DACH2: variants seen among roughly 807,000 people sequenced by gnomAD.
DACH2 encodes dachshund homolog 2.
In DACH2, 17 loss-of-function variants were observed where a neutral mutation model predicts 35.8. The ratio of observed to expected loss-of-function variants is 0.48; its 90% CI spans 0.33 to 0.71. DACH2 has a LOEUF of 0.71. Ranked by LOEUF, DACH2 falls within the 30% of genes least tolerant of loss-of-function variation. The pLI, the probability that DACH2 is intolerant of heterozygous loss-of-function variation, is 0.02. For synonymous variants in DACH2, 195 were observed against 177.3 expected (o/e 1.10, Z -0.79); for missense variants, 469 against 472.7 (o/e 0.99, Z 0.07).
chrX:86,460,564 A>T (rs766858764), intron 2 of DACH2, among the ~76,000 whole-genome samples: 1 of 111,132 alleles, frequency 9.0e-6, no homozygotes, highest in African/African-American at 3.3e-5. Context: ...TTCGATTCTA[A>T]CATATATAGC....
In DACH2 at chrX:86,525,490, C is replaced by CA. The variant is rs200356593; in HGVS notation, c.640+11103dup. Among the ~76,000 whole-genome samples, 478 of 111,716 alleles carry CA rather than the reference C, an allele frequency of 4.3e-3. 13 individuals carry two copies. The East Asian group carries it at 0.083, about 19-fold the overall frequency. On this transcript the variant is annotated intron_variant, in intron 3 of 11. Coordinates refer to ENST00000373125, the MANE Select transcript of DACH2 (RefSeq NM_053281.3). ...ATAATTTTTCCTTCTAAGAAGTATG[C>CA]AAAATCTTCTGAATGACTGCAACCT...
rs995856078 is a variant in DACH2 at position 86,647,164 on chromosome X, T to C, written c.641-3872T>C. ...ATAGAACTATCATACCATCCAACGA[T>C]CCCACTTCTGAATATATATGAGGTA... On this transcript the variant is annotated intron_variant, in intron 3 of 11. Coordinates refer to ENST00000373125, the MANE Select transcript of DACH2 (RefSeq NM_053281.3). 2.7e-5 allele frequency among the ~76,000 whole-genome samples: 3 copies of C among 110,236 alleles called. No individual in the cohort carries two copies. In the East Asian group the frequency reaches 8.5e-4, roughly 31 times the overall value.
At chrX:86,323,530 A>G (rs1185468618) in intron 1 of DACH2, among the ~76,000 whole-genome samples, 6 of 111,622 alleles carry the variant, frequency 5.4e-5, no homozygotes, top group Non-Finnish European at 1.1e-4. Context: ...GCATACAGAG[A>G]GGGGATGGGA....
intron 4 of DACH2, among the ~76,000 whole-genome samples, chrX:86,677,052 C>A (rs890872050): frequency 4.5e-5 from 5 of 111,723 alleles, no homozygotes; most frequent in African/African-American, 1.3e-4. Flanking sequence ...GGAGATACTG[C>A]ACCTCAAAAT....
At chrX:86,455,788 A>T (rs2037464373) in intron 2 of DACH2, among the ~76,000 whole-genome samples, 1 of 112,395 alleles carries the variant, frequency 8.9e-6, no homozygotes, top group African/African-American at 3.2e-5. Context: ...CGTGCTGTGG[A>T]AGTGGGGCCC....
chrX:86,371,326 A>G (rs1385267549), intron 1 of DACH2, among the ~76,000 whole-genome samples: 1 of 110,888 alleles, frequency 9.0e-6, no homozygotes, highest in Non-Finnish European at 1.9e-5. Context: ...AATCTCACTG[A>G]TTTTTAAAAG....
chrX:86,331,067 A>T (rs775618730), intron 1 of DACH2, among the ~76,000 whole-genome samples: 57 of 112,003 alleles, frequency 5.1e-4, no homozygotes, highest in African/African-American at 1.6e-3. Context: ...TTATGATTCA[A>T]ACCAGTTGGA....
intron 2 of DACH2, among the ~76,000 whole-genome samples, chrX:86,442,433 G>A (rs1435253693): frequency 6.3e-5 from 6 of 95,600 alleles, no homozygotes; most frequent in African/African-American, 1.9e-4. Flanking sequence ...AGTTTCTTAC[G>A]CAATCTGGAT....
At chrX:86,501,071 T>C (rs1377395804) in intron 2 of DACH2, among the ~76,000 whole-genome samples, 3 of 112,187 alleles carry the variant, frequency 2.7e-5, no homozygotes, top group Non-Finnish European at 5.6e-5. Context: ...CCCCACCTAA[T>C]TATCTTCTTC....
At chrX:86,632,365 A>G (rs1441844982) in intron 3 of DACH2, among the ~76,000 whole-genome samples, 1 of 110,718 alleles carries the variant, frequency 9.0e-6, no homozygotes, top group Non-Finnish European at 1.9e-5. Flanking sequence ...AGAGTTTTGC[A>G]TTTATAAAAT....
chrX:86,777,918 T>A (rs2042051670), intron 7 of DACH2, among the ~76,000 whole-genome samples: 1 of 111,554 alleles, frequency 9.0e-6, no homozygotes. Context: ...CATTTAAAGT[T>A]TTTTAAAGGG....
At chrX:86,785,887 C>A (rs1005363765) in intron 7 of DACH2, among the ~76,000 whole-genome samples, 2 of 111,309 alleles carry the variant, frequency 1.8e-5, no homozygotes, top group Admixed American at 9.6e-5. Flanking sequence ...TCATAAGTTT[C>A]AACAAAAGGA....
intron 3 of DACH2, among the ~76,000 whole-genome samples, chrX:86,603,749 G>C (rs983456568): frequency 9.0e-6 from 1 of 110,913 alleles, no homozygotes; most frequent in Admixed American, 9.6e-5. Flanking sequence ...TTTCTCTTGA[G>C]CTTAAAGTGA....
intron 1 of DACH2, among the ~76,000 whole-genome samples, chrX:86,375,359 A>G (rs1409169483): frequency 3.0e-5 from 3 of 100,653 alleles, no homozygotes; most frequent in Non-Finnish European, 6.0e-5. Flanking sequence ...ATAATTATAT[A>G]TAATACATAT....
At chrX:86,403,282 G>T (rs1265342193) in intron 2 of DACH2, among the ~76,000 whole-genome samples, 1 of 111,612 alleles carries the variant, frequency 9.0e-6, no homozygotes, top group African/African-American at 3.3e-5. Context: ...CACAAACTAT[G>T]CATCTGTCAA....
At chrX:86,326,332 T>G (rs1306088443) in intron 1 of DACH2, among the ~76,000 whole-genome samples, 1 of 109,781 alleles carries the variant, frequency 9.1e-6, no homozygotes, top group African/African-American at 3.3e-5. Flanking sequence ...CTGGGCATAG[T>G]GGCAGCCACC....
In DACH2 at chrX:86,642,637, A is replaced by T. The variant is rs183740770; in HGVS notation, c.641-8399A>T. On this transcript the variant is annotated intron_variant, in intron 3 of 11. Coordinates refer to ENST00000373125, the MANE Select transcript of DACH2 (RefSeq NM_053281.3). ...AGACCTTCACAGAATTCTTCACCCT[A>T]AAACAACAGAATATTCATTCTTCTC... 5.4e-3 allele frequency among the ~76,000 whole-genome samples: 610 copies of T among 112,197 alleles called. 3 individuals carry two copies. The highest frequency in any genetic ancestry group is 0.019 in the African/African-American group (588 of 30,931).
intron 2 of DACH2, among the ~76,000 whole-genome samples, chrX:86,471,098 G>A (rs1388665809): frequency 9.0e-6 from 1 of 111,422 alleles, no homozygotes; most frequent in Admixed American, 9.6e-5. Context: ...AACAAAACCA[G>A]TATATCAAAA....
intron 1 of DACH2, among the ~76,000 whole-genome samples, chrX:86,237,758 G>A (rs780443199): frequency 8.9e-6 from 1 of 111,987 alleles, no homozygotes; most frequent in African/African-American, 3.2e-5. Context: ...GGGGTGGGTA[G>A]CTCCAGGCAC....
Sources: allele counts gnomAD v4.1 joint callset (sites outside exome capture counted in the v4.1 genomes callset), GRCh38; gene constraint gnomAD v4.1.1; transcripts MANE v1.5; gene names NCBI Gene and HGNC (gene_info 2026-07-23, HGNC 2026-07-21).